Variants in ADAMTS3 observed in about 807,000 individuals in gnomAD.
The protein encoded by ADAMTS3 is ADAM metallopeptidase with thrombospondin type 1 motif 3, also known as A disintegrin and metalloproteinase with thrombospondin motifs 3.
In ADAMTS3, 73 loss-of-function variants were observed where a neutral mutation model predicts 129.0. That is an observed-to-expected ratio of 0.57 (90% CI 0.47 to 0.69). The LOEUF (loss-of-function observed/expected upper bound fraction) is 0.69. ADAMTS3 is among the 30% of genes least tolerant of loss of function. The pLI is 0.00. For missense variants in ADAMTS3, 1,457 were observed against 1,514.5 expected (o/e 0.96, Z 0.63); for synonymous variants, 477 against 510.8 (o/e 0.93, Z 0.89).
chr4:72,463,698 CAAA>C (rs3034505), intron 3 of ADAMTS3, among the ~76,000 whole-genome samples: 3,151 of 123,314 alleles, frequency 0.026, 49 homozygotes, highest in African/African-American at 0.059. Context: ...CTAAAACAGG[CAAA>C]AAAAAAAAAA....
At chr4:72,377,797 G>A (rs1721170958) in intron 4 of ADAMTS3, among the ~76,000 whole-genome samples, 1 of 152,020 alleles carries the variant, frequency 6.6e-6, no homozygotes, top group Non-Finnish European at 1.5e-5. Context: ...GTCTCTATTT[G>A]TGCTCAGAAA....
intron 10 of ADAMTS3, 33 bp from the exon 11 acceptor site, chr4:72,316,004 T>G: frequency 7.2e-7 from 1 of 1,388,420 alleles, no homozygotes; most frequent in East Asian, 2.3e-5. Context: ...GTCAGTGAAC[T>G]CTCAGCTAGC....
At chr4:72,399,806 A>G (rs577797822) in intron 4 of ADAMTS3, among the ~76,000 whole-genome samples, 7 of 144,766 alleles carry the variant, frequency 4.8e-5, no homozygotes, top group African/African-American at 1.3e-4. Flanking sequence ...GTATATATAT[A>G]CACACACGGT....
chr4:72,410,446 TC>T (rs1722158700), intron 4 of ADAMTS3, among the ~76,000 whole-genome samples: 1 of 152,150 alleles, frequency 6.6e-6, no homozygotes, highest in African/African-American at 2.4e-5. Context: ...ATTCCTTGTT[TC>T]CCACTGGTAG....
chr4:72,430,740 A>G lies in ADAMTS3; in HGVS notation c.505-15769T>C, dbSNP rs13141410. Among the ~76,000 whole-genome samples the G allele has an allele frequency of 1.2e-4, 19 of 152,090 alleles. No homozygotes were observed. The South Asian group carries it at 1.7e-3, about 13-fold the overall frequency. ...GATATCTACTAAATAAAGGAAAAAA[A>G]CCATACGTTATTTTTAATAGTTTAA... On this transcript the variant is annotated intron_variant, in intron 3 of 21. Transcript: ENST00000286657.
At chr4:72,535,957 T>C (rs1179918689) in intron 3 of ADAMTS3, among the ~76,000 whole-genome samples, 3 of 152,138 alleles carry the variant, frequency 2.0e-5, no homozygotes, top group Non-Finnish European at 4.4e-5. Flanking sequence ...ATGTTAAAAT[T>C]GTGACTTACG....
chr4:72,457,490 G>A (rs1405300001), intron 3 of ADAMTS3, among the ~76,000 whole-genome samples: 1 of 151,498 alleles, frequency 6.6e-6, no homozygotes, highest in African/African-American at 2.4e-5. Flanking sequence ...AAATAGAAGT[G>A]GTCGTTTTAC....
At chr4:72,518,300 A>C (rs1471305756) in intron 3 of ADAMTS3, among the ~76,000 whole-genome samples, 1 of 152,088 alleles carries the variant, frequency 6.6e-6, no homozygotes, top group Non-Finnish European at 1.5e-5. Context: ...GTGCTGAAAA[A>C]AATGTATATT....
intron 3 of ADAMTS3, among the ~76,000 whole-genome samples, chr4:72,503,672 A>G (rs949006146): frequency 6.6e-6 from 1 of 152,184 alleles, no homozygotes; most frequent in Non-Finnish European, 1.5e-5. Context: ...TTCTGCCTCA[A>G]TGAGCTTTCT....
intron 4 of ADAMTS3, among the ~76,000 whole-genome samples, chr4:72,340,619 T>G (rs971186775): frequency 2.0e-5 from 3 of 151,990 alleles, no homozygotes; most frequent in African/African-American, 7.2e-5. Context: ...GAAACTTACA[T>G]TTTTTTACTT....
intron 4 of ADAMTS3, among the ~76,000 whole-genome samples, chr4:72,356,948 G>C (rs1032495539): frequency 6.6e-6 from 1 of 151,654 alleles, no homozygotes; most frequent in Non-Finnish European, 1.5e-5. Context: ...CAAATGATAA[G>C]AACAAGACAG....
At chr4:72,340,338 T>TGC (rs397967010) in intron 4 of ADAMTS3, among the ~76,000 whole-genome samples, 1 of 141,236 alleles carries the variant, frequency 7.1e-6, no homozygotes, top group African/African-American at 2.8e-5. Flanking sequence ...TGTGTGTGTG[T>TGC]ATGTGTATGT....
At chr4:72,307,676 AATGAAAGTAAGACTAAGC>A (rs1262880705) in intron 15 of ADAMTS3, among the ~76,000 whole-genome samples, 3 of 152,062 alleles carry the variant, frequency 2.0e-5, no homozygotes, top group East Asian at 3.9e-4. Flanking sequence ...GTTAATAGTC[AATGAAAGTAAGACTAAGC>A]ATGAAAGTAA....
rs60862522 is a variant in ADAMTS3, at chr4:72,497,122, TA to T, written c.504+51355del. ...TTAATATATCCACTAATTAATAGAA[TA>T]TTTTTTTCCTATATAATCCACAAAT... On this transcript the variant is annotated intron_variant, in intron 3 of 21. Coordinates refer to ENST00000286657, the MANE Select transcript of ADAMTS3 (RefSeq NM_014243.3). Among the ~76,000 whole-genome samples the T allele has an allele frequency of 6.7e-3, 1,011 of 150,718 alleles. 21 individuals are homozygous for T. Among genetic ancestry groups the T allele is most frequent in the African/African-American group, 0.024 (957 of 40,186 alleles).
intron 1 of ADAMTS3, among the ~76,000 whole-genome samples, chr4:72,567,815 T>A (rs6446840): frequency 0.96 from 146,373 of 152,282 alleles, 70,619 homozygotes; most frequent in East Asian, 1. Flanking sequence ...CCTATGGTCG[T>A]TCAGACCAGG....
intron 4 of ADAMTS3, among the ~76,000 whole-genome samples, chr4:72,366,062 A>G (rs1397114108): frequency 6.6e-6 from 1 of 152,202 alleles, no homozygotes; most frequent in Non-Finnish European, 1.5e-5. Context: ...AAGCATGGTA[A>G]GCACTTCTAT....
chr4:72,523,277 C>T (rs545461745), intron 3 of ADAMTS3, among the ~76,000 whole-genome samples: 1 of 152,044 alleles, frequency 6.6e-6, no homozygotes, highest in African/African-American at 2.4e-5. Context: ...AATTACATAC[C>T]CAGAGTAATA....
At chr4:72,453,547 G>A (rs1310435173) in intron 3 of ADAMTS3, among the ~76,000 whole-genome samples, 1 of 151,714 alleles carries the variant, frequency 6.6e-6, no homozygotes, top group Non-Finnish European at 1.5e-5. Context: ...TGGTTAGTAT[G>A]TGGTGGAACA....
At chr4:72,394,175 G>A (rs149795596) in intron 4 of ADAMTS3, among the ~76,000 whole-genome samples, 11 of 152,182 alleles carry the variant, frequency 7.2e-5, no homozygotes, top group African/African-American at 2.2e-4. Flanking sequence ...CCCTTCAGAG[G>A]GCCCCATTCA....
Sources: allele counts gnomAD v4.1 joint callset (sites outside exome capture counted in the v4.1 genomes callset), GRCh38; gene constraint gnomAD v4.1.1; transcripts MANE v1.5; gene names NCBI Gene and HGNC (gene_info 2026-07-23, HGNC 2026-07-21).